Variants in NCSTN observed in about 807,000 individuals in gnomAD.
The protein encoded by NCSTN is nicastrin.
In NCSTN, 22 loss-of-function variants were observed where a neutral mutation model predicts 87.0. The ratio of observed to expected loss-of-function variants is 0.25; its 90% CI spans 0.18 to 0.36. The LOEUF is 0.36. NCSTN is among the 10% of genes least tolerant of loss of function. NCSTN has a pLI of 1.00. For synonymous variants in NCSTN, 306 were observed against 327.1 expected (o/e 0.94, Z 0.69); for missense variants, 693 against 883.3 (o/e 0.78, Z 2.73).
At chr1:160,353,321 A>G (rs1300105366) in intron 10 of NCSTN, 84 bp downstream of exon 10, 3 of 1,602,926 alleles carry the variant, frequency 1.9e-6, no homozygotes, top group East Asian at 4.5e-5. Context: ...ACCAACCCCC[A>G]GGGCCTGTGA....
chr1:160,347,906 G>C, intron 2 of NCSTN, among the ~76,000 whole-genome samples: 1 of 152,208 alleles, frequency 6.6e-6, no homozygotes, highest in East Asian at 1.9e-4. Context: ...GAGCCACTGT[G>C]CCCGGCCGAA....
intron 2 of NCSTN, among the ~76,000 whole-genome samples, chr1:160,347,078 C>A (rs897639578): frequency 6.6e-6 from 1 of 152,192 alleles, no homozygotes; most frequent in Non-Finnish European, 1.5e-5. Context: ...TCATTCTACT[C>A]TATGTTCTTA....
intron 12 of NCSTN, 43 bp downstream of exon 12, chr1:160,355,800 G>C: frequency 6.2e-7 from 1 of 1,602,536 alleles, no homozygotes; most frequent in Non-Finnish European, 8.6e-7. Flanking sequence ...GGCACACAGT[G>C]AAGATGCTAG....
chr1:160,354,167 C>A lies in NCSTN; in HGVS notation c.1229C>A (p.Ala410Asp). Residue 410 changes from alanine (A) to aspartate (D), a missense_variant, in exon 11 of 17, where the codon GCT becomes GAT. This residue lies in a region of NCSTN where 108 missense variants were observed against 111.6 expected (regional missense o/e 0.97). Transcript: ENST00000294785. ...TLEKSGAGVP[A>D]VILRRPNQSQ... is the part of the protein sequence containing the mutation. The stretch of plus-strand genomic sequence containing the variant: ...GAGAAGAGTGGTGCTGGTGTCCCTG[C>A]TGTCATCCTCAGGAGGCCAAATCAG... 1.9e-6 allele frequency: 3 copies of A among 1,614,174 alleles called. No individual in the cohort carries two copies. Among genetic ancestry groups the A allele is most frequent in the Non-Finnish European group, 2.5e-6 (3 of 1,180,018 alleles).
chr1:160,351,893 C>G, intron 7 of NCSTN, 88 bp downstream of exon 7: 1 of 1,478,918 alleles, frequency 6.8e-7, no homozygotes, highest in South Asian at 1.1e-5. Context: ...TTCAAAGTTG[C>G]TAAATTGGGA....
intron 10 of NCSTN, 119 bp downstream of exon 10, chr1:160,353,356 T>A: frequency 6.4e-7 from 1 of 1,566,054 alleles, no homozygotes; most frequent in Admixed American, 1.9e-5. Context: ...CAGGATTGGA[T>A]TGGGTGTTGG....
chr1:160,346,186 A>G (rs1024000962), intron 2 of NCSTN, among the ~76,000 whole-genome samples: 1 of 152,160 alleles, frequency 6.6e-6, no homozygotes, highest in Non-Finnish European at 1.5e-5. Context: ...TTTCCCATGG[A>G]CAATAGCTCT....
chr1:160,343,928 G>T, intron 1 of NCSTN: 3 of 266,684 alleles, frequency 1.1e-5, no homozygotes, highest in Admixed American at 5.5e-5. Context: ...TACATCCTAA[G>T]TCTGTGTCCC....
chr1:160,357,052 C>T lies in NCSTN; in HGVS notation c.1806C>T (p.Tyr602=), dbSNP rs202093501. The change falls in exon 16 of 17, where the codon TAC becomes TAT. Residue 602 remains tyrosine (Y), a synonymous_variant. Transcript: ENST00000294785. ...VPSENKDLYE[Y]SWVQGPLHSN... is the part of the protein sequence containing the mutation. Reference sequence around the variant, plus strand: ...CATCTTCTGTGCAGCTGTATGAGTACTCATGGGTCCAGGGCCCTTTGCATT... The same window carrying T: ...CATCTTCTGTGCAGCTGTATGAGTATTCATGGGTCCAGGGCCCTTTGCATT... 6 of 1,613,702 alleles carry T rather than the reference C, an allele frequency of 3.7e-6. No individual in the cohort carries two copies. Among genetic ancestry groups the T allele is most frequent in the Non-Finnish European group, 5.1e-6 (6 of 1,179,808 alleles).
Position 160,349,421 on chromosome 1 carries a change from C to A in NCSTN, c.315-128C>A, listed in dbSNP as rs987777982. On this transcript the variant is annotated intron_variant, in intron 3 of 16. Transcript: ENST00000294785. The stretch of plus-strand genomic sequence containing the variant: ...ATTGTCCAGACTCAGAATTTAGAGA[C>A]TGAAAGGGAAGAAATAAGTCAACAG... 5 of 1,336,342 alleles carry A rather than the reference C, an allele frequency of 3.7e-6. No homozygotes were observed. The African/African-American group carries it at 5.8e-5, about 15-fold the overall frequency. The allele number at this position is 1,336,342 out of a possible 1,614,324, so 82.8% of individuals were successfully genotyped here.
chr1:160,351,605 G>A (rs1031335317), intron 6 of NCSTN, 91 bp from the exon 7 acceptor site: 26 of 1,321,266 alleles, frequency 2.0e-5, no homozygotes, highest in Middle Eastern at 1.8e-4. Flanking sequence ...CTTAGAGTCC[G>A]TGGGGCACTG....
At chr1:160,356,948 C>G (rs1649161357) in intron 15 of NCSTN, 93 bp from the exon 16 acceptor site, 1 of 1,406,006 alleles carries the variant, frequency 7.1e-7, no homozygotes, top group African/African-American at 1.4e-5. Context: ...CCAGTTAGCT[C>G]AATTGGTTAG....
At chr1:160,351,966 A>G in intron 7 of NCSTN, 88 bp from the exon 8 acceptor site, 2 of 1,548,814 alleles carry the variant, frequency 1.3e-6, no homozygotes, top group Non-Finnish European at 1.8e-6. Flanking sequence ...GCCACAGGAC[A>G]GGTATATTCT....
Position 160,351,817 on chromosome 1 carries a change from C to A in NCSTN, c.843+12C>A. The A allele has an allele frequency of 6.3e-7, 1 of 1,583,390 alleles. No homozygotes were observed. The highest frequency in any genetic ancestry group is 8.7e-7 in the Non-Finnish European group (1 of 1,152,050). On this transcript the variant is annotated intron_variant, in intron 7 of 16. Transcript: ENST00000294785. ...TTGCTGCCACCCGGGTGAGTGTTGG[C>A]TTCTGATCAGGATGGGCAGGGCTGG...
At chr1:160,354,752 G>A (rs1331666533) in intron 11 of NCSTN, among the ~76,000 whole-genome samples, 2 of 152,176 alleles carry the variant, frequency 1.3e-5, no homozygotes, top group Non-Finnish European at 2.9e-5. Flanking sequence ...ATGGTTCAGT[G>A]CGAGGGTAAA....
At chr1:160,345,339 C>T (rs1166442109) in intron 2 of NCSTN, among the ~76,000 whole-genome samples, 2 of 151,962 alleles carry the variant, frequency 1.3e-5, no homozygotes, top group Non-Finnish European at 2.9e-5. Flanking sequence ...ATTACATGCA[C>T]CTGCCACCAT....
At chr1:160,351,422 A>G (rs200592168) in intron 6 of NCSTN, 50 bp downstream of exon 6, 4 of 1,590,260 alleles carry the variant, frequency 2.5e-6, no homozygotes, top group Non-Finnish European at 3.4e-6. Flanking sequence ...GCAGAGGGAG[A>G]GTGGAACCAG....
At position 160,349,030 on chromosome 1, in the gene NCSTN, C is replaced by G. The variant is rs11547486; in HGVS notation, c.222C>G (p.His74Gln). ...TTAGTGGAGACACAGGGGTTATCCACGTAGTAGAGAAAGAGGAGGACCTAC... is the reference window on the plus strand; with the variant it reads ...TTAGTGGAGACACAGGGGTTATCCAGGTAGTAGAGAAAGAGGAGGACCTAC... Reference protein sequence around the residue: ...SSISGDTGVIHVVEKEEDLQW... With the variant: ...SSISGDTGVIQVVEKEEDLQW... Residue 74 changes from histidine (H) to glutamine (Q), a missense_variant, in exon 3 of 17, where the codon CAC becomes CAG. Transcript: ENST00000294785. 3.1e-6 allele frequency: 5 copies of G among 1,614,154 alleles called. No individual in the cohort carries two copies. In the South Asian group the frequency reaches 5.5e-5, roughly 18 times the overall value.
chr1:160,349,082 C>A lies in NCSTN; in HGVS notation c.274C>A (p.Pro92Thr). The A allele has an allele frequency of 6.2e-7, 1 of 1,614,126 alleles. No individual in the cohort carries two copies. The highest frequency in any genetic ancestry group is 2.2e-5 in the East Asian group (1 of 44,876). The change falls in exon 3 of 17, where the codon CCC (proline) becomes ACC (threonine). Residue 92 changes from proline (P) to threonine (T), a missense_variant. This residue lies in a region of NCSTN where 235 missense variants were observed against 233.9 expected (regional missense o/e 1.00). Transcript: ENST00000294785. Reference sequence around the variant, plus strand: ...GTGGGTATTGACTGATGGCCCCAACCCCCCTTACATGGTTCTGCTGGAGAG... The same window carrying A: ...GTGGGTATTGACTGATGGCCCCAACACCCCTTACATGGTTCTGCTGGAGAG... ...LQWVLTDGPN[P>T]PYMVLLESKH... is the part of the protein sequence containing the mutation.
Sources: allele counts gnomAD v4.1 joint callset (sites outside exome capture counted in the v4.1 genomes callset), GRCh38; gene constraint gnomAD v4.1.1; regional missense constraint gnomAD v4.1.1; transcripts MANE v1.5; gene names NCBI Gene and HGNC (gene_info 2026-07-23, HGNC 2026-07-21).